RAB31: variants seen among roughly 807,000 people sequenced by gnomAD.
RAB31 encodes RAB31, member RAS oncogene family.
Under a neutral mutation model 25.6 loss-of-function variants are expected in RAB31, and 21 were observed. The ratio of observed to expected loss-of-function variants is 0.82; its 90% CI spans 0.58 to 1.18. The LOEUF is 1.18. Among genes scored for constraint, RAB31 ranks in the 50% most tolerant of loss-of-function variants. The pLI, the probability that RAB31 is intolerant of heterozygous loss-of-function variation, is 0.00. For synonymous variants in RAB31, 87 were observed against 84.0 expected (o/e 1.04, Z -0.20); for missense variants, 196 against 250.1 (o/e 0.78, Z 1.46).
chr18:9,839,889 T>C (rs2068724039), intron 5 of RAB31, among the ~76,000 whole-genome samples: 1 of 152,164 alleles, frequency 6.6e-6, no homozygotes, highest in Admixed American at 6.5e-5. Context: ...TTGGTCTCTT[T>C]TGTGGTCCCG....
intron 5 of RAB31, among the ~76,000 whole-genome samples, chr18:9,819,964 A>T (rs534885155): frequency 1.3e-5 from 2 of 152,176 alleles, no homozygotes; most frequent in South Asian, 2.1e-4. Flanking sequence ...TTAGTAAATT[A>T]TCTGGAGTTT....
At chr18:9,751,175 A>T (rs2068233367) in intron 1 of RAB31, among the ~76,000 whole-genome samples, 1 of 152,008 alleles carries the variant, frequency 6.6e-6, no homozygotes. Context: ...CTGGGACTAT[A>T]CGCATGCACC....
intron 2 of RAB31, among the ~76,000 whole-genome samples, chr18:9,780,963 A>AAAACG (rs1309701686): frequency 6.6e-6 from 1 of 152,012 alleles, no homozygotes; most frequent in African/African-American, 2.4e-5. Context: ...AGAACAAAAC[A>AAAACG]AAACATAAAT....
intron 1 of RAB31, among the ~76,000 whole-genome samples, chr18:9,769,094 G>T (rs1273295927): frequency 2.0e-5 from 3 of 152,190 alleles, no homozygotes. Context: ...TTTGGTTACT[G>T]TAGACTTGTA....
rs150373775 is a variant in RAB31 at position 9,778,619 on chromosome 18, C to G, written c.119+3262C>G. Among the ~76,000 whole-genome samples, 306 of 152,154 alleles carry G rather than the reference C, an allele frequency of 2.0e-3. 1 individual carries two copies. Among genetic ancestry groups the G allele is most frequent in the African/African-American group, 7.0e-3 (292 of 41,492 alleles). On this transcript the variant is annotated intron_variant, in intron 2 of 6. Transcript: ENST00000578921. ...CCAAGTAGCTGGGATTACAGTTGCA[C>G]GCCACCATGCCCAGCTAATTTTTGT...
At chr18:9,775,468 A>G (rs2145490928) in intron 2 of RAB31, 111 bp downstream of exon 2, 2 of 1,526,338 alleles carry the variant, frequency 1.3e-6, no homozygotes, top group East Asian at 4.9e-5. Flanking sequence ...CATCCCAGCC[A>G]GTGAGAATCA....
chr18:9,745,189 G>A (rs2068199364), intron 1 of RAB31, among the ~76,000 whole-genome samples: 1 of 152,168 alleles, frequency 6.6e-6, no homozygotes, highest in Non-Finnish European at 1.5e-5. Context: ...TAAGCCAACA[G>A]GTTAGATAAC....
chr18:9,757,597 G>A (rs1314279394), intron 1 of RAB31, among the ~76,000 whole-genome samples: 39 of 152,140 alleles, frequency 2.6e-4, no homozygotes, highest in Admixed American at 2.0e-3. Flanking sequence ...CTTTAGCCAC[G>A]TTGAACCTAG....
chr18:9,861,737 G>T lies in RAB31; in HGVS notation c.*2412G>T, dbSNP rs917355460. ...TCCTTGGCATCGTTTTCCAAAATTT[G>T]TTCCTTCTCCCTTTTTTTTTTCTTT... On this transcript the variant is annotated 3_prime_UTR_variant, in exon 7 of 7. Coordinates refer to ENST00000578921, the MANE Select transcript of RAB31 (RefSeq NM_006868.4). 1.3e-5 allele frequency: 2 copies of T among 151,576 alleles called. No homozygotes were observed. The highest frequency in any genetic ancestry group is 2.4e-5 in the African/African-American group (1 of 41,296). The allele number at this position is 151,576 out of a possible 1,614,324, so 9.4% of individuals were successfully genotyped here. A position where few individuals can be genotyped will look rare whatever the true frequency, so the allele number is the denominator to read the frequency against.
intron 2 of RAB31, among the ~76,000 whole-genome samples, chr18:9,784,554 G>A (rs2068422073): frequency 8.0e-6 from 1 of 125,684 alleles, no homozygotes; most frequent in African/African-American, 3.6e-5. Context: ...GATTTTAGGT[G>A]ATTTTTTTTT....
intron 2 of RAB31, among the ~76,000 whole-genome samples, chr18:9,776,439 G>C (rs967668098): frequency 6.6e-6 from 1 of 152,200 alleles, no homozygotes; most frequent in Non-Finnish European, 1.5e-5. Context: ...AGATGCTCAA[G>C]AGTACTTGGC....
At chr18:9,821,858 C>T (rs941381202) in intron 5 of RAB31, among the ~76,000 whole-genome samples, 4 of 152,058 alleles carry the variant, frequency 2.6e-5, no homozygotes, top group African/African-American at 9.7e-5. Flanking sequence ...AATTGAAAGT[C>T]TCAACATAGT....
chr18:9,750,333 G>A (rs1599023583), intron 1 of RAB31, among the ~76,000 whole-genome samples: 1 of 152,196 alleles, frequency 6.6e-6, no homozygotes, highest in African/African-American at 2.4e-5. Context: ...TGCTGTCTGC[G>A]TCCCGGTTGA....
chr18:9,847,615 C>T (rs1030533047), intron 6 of RAB31, among the ~76,000 whole-genome samples: 3 of 152,038 alleles, frequency 2.0e-5, no homozygotes, highest in Non-Finnish European at 4.4e-5. Flanking sequence ...CTTTGTTGCT[C>T]AGGCTGGAGT....
chr18:9,788,269 A>G (rs1306758748), intron 2 of RAB31, among the ~76,000 whole-genome samples: 2 of 152,240 alleles, frequency 1.3e-5, no homozygotes, highest in South Asian at 2.1e-4. Context: ...AGACATACAG[A>G]TGGCCAACAA....
At chr18:9,827,931 TC>T (rs1301634459) in intron 5 of RAB31, among the ~76,000 whole-genome samples, 2 of 152,132 alleles carry the variant, frequency 1.3e-5, no homozygotes, top group African/African-American at 4.8e-5. Flanking sequence ...TTAATGAAGT[TC>T]CAGTTGGTCT....
intron 6 of RAB31, among the ~76,000 whole-genome samples, chr18:9,852,546 T>A (rs911531380): frequency 1.3e-5 from 2 of 152,158 alleles, no homozygotes; most frequent in African/African-American, 2.4e-5. Flanking sequence ...AGAAATTAGA[T>A]CAGTTTTCCT....
At chr18:9,759,332 G>A (rs2068275815) in intron 1 of RAB31, among the ~76,000 whole-genome samples, 1 of 151,906 alleles carries the variant, frequency 6.6e-6, no homozygotes, top group South Asian at 2.1e-4. Context: ...CACCATGCCT[G>A]GCTAATTTTT....
intron 1 of RAB31, among the ~76,000 whole-genome samples, chr18:9,744,421 TCTC>T (rs1210304976): frequency 2.0e-5 from 3 of 152,226 alleles, no homozygotes; most frequent in Non-Finnish European, 2.9e-5. Flanking sequence ...TTCTCTGACT[TCTC>T]CTTTTAACTG....
Sources: allele counts gnomAD v4.1 joint callset (sites outside exome capture counted in the v4.1 genomes callset), GRCh38; gene constraint gnomAD v4.1.1; transcripts MANE v1.5; gene names NCBI Gene and HGNC (gene_info 2026-07-23, HGNC 2026-07-21).